DIP2C: variants seen among roughly 807,000 people sequenced by gnomAD.
The protein encoded by DIP2C is disco-interacting protein 2 homolog C.
Under a neutral mutation model 192.4 loss-of-function variants are expected in DIP2C, and 33 were observed. The ratio of observed to expected loss-of-function variants is 0.17; its 90% CI spans 0.13 to 0.23. The LOEUF (loss-of-function observed/expected upper bound fraction) is 0.23, where lower values mean the gene tolerates loss of function less well. Among genes scored for constraint, DIP2C ranks in the 10% least tolerant of loss-of-function variants. The pLI is 1.00. For synonymous variants in DIP2C, 979 were observed against 864.1 expected (o/e 1.13, Z -2.33); for missense variants, 1,537 against 2,110.1 (o/e 0.73, Z 5.32).
intron 10 of DIP2C, among the ~76,000 whole-genome samples, chr10:392,816 GCACA>G (rs141409070): frequency 1.0e-3 from 152 of 148,342 alleles, no homozygotes; most frequent in Middle Eastern, 3.5e-3. Context: ...CACACTCAGC[GCACA>G]CACACACACA....
intron 3 of DIP2C, among the ~76,000 whole-genome samples, chr10:460,904 C>T (rs1969720623): frequency 6.6e-6 from 1 of 152,128 alleles, no homozygotes; most frequent in African/African-American, 2.4e-5. Flanking sequence ...CAATATTCAA[C>T]ATTCTTAAAG....
intron 1 of DIP2C, among the ~76,000 whole-genome samples, chr10:619,228 A>T (rs1351812272): frequency 6.6e-6 from 1 of 152,226 alleles, no homozygotes; most frequent in East Asian, 1.9e-4. Context: ...TTCGTGGGCT[A>T]GTTTTACTAC....
At chr10:446,392 AAG>A (rs1193003220) in intron 3 of DIP2C, among the ~76,000 whole-genome samples, 2 of 151,790 alleles carry the variant, frequency 1.3e-5, no homozygotes, top group Admixed American at 6.6e-5. Context: ...CTCTGTTGTG[AAG>A]AGTCCCATGG....
chr10:632,087 C>T (rs1411375687), intron 1 of DIP2C, among the ~76,000 whole-genome samples: 2 of 152,142 alleles, frequency 1.3e-5, no homozygotes, highest in African/African-American at 2.4e-5. Flanking sequence ...GAAAGAAAAG[C>T]GAAATTCATA....
chr10:278,254 G>A (rs1194225190), intron 36 of DIP2C, among the ~76,000 whole-genome samples: 1 of 152,248 alleles, frequency 6.6e-6, no homozygotes, highest in African/African-American at 2.4e-5. Context: ...AGGGCCGTGC[G>A]TGCGGAGGCC....
At chr10:657,095 C>A (rs1166683847) in intron 1 of DIP2C, among the ~76,000 whole-genome samples, 8 of 151,790 alleles carry the variant, frequency 5.3e-5, no homozygotes, top group African/African-American at 1.7e-4. Flanking sequence ...CTGGACTTGA[C>A]ACTGGACCTG....
chr10:338,624 A>G (rs1957988041), intron 29 of DIP2C, among the ~76,000 whole-genome samples: 1 of 152,184 alleles, frequency 6.6e-6, no homozygotes, highest in Non-Finnish European at 1.5e-5. Flanking sequence ...CCATGTTTAC[A>G]TAATGAAATC....
chr10:299,610 A>G (rs1254063620), intron 32 of DIP2C, among the ~76,000 whole-genome samples: 1 of 152,256 alleles, frequency 6.6e-6, no homozygotes, highest in Non-Finnish European at 1.5e-5. Context: ...CACCAAAAGT[A>G]TATGCAGAAA....
intron 19 of DIP2C, chr10:364,896 C>CA (rs1960003961): frequency 6.9e-6 from 4 of 578,430 alleles, no homozygotes; most frequent in Admixed American, 4.4e-5. Flanking sequence ...TAACTGATTA[C>CA]TTGGTTTACA....
intron 32 of DIP2C, among the ~76,000 whole-genome samples, chr10:306,927 C>A (rs1168320134): frequency 1.3e-5 from 2 of 152,188 alleles, no homozygotes; most frequent in Non-Finnish European, 2.9e-5. Flanking sequence ...GGAGGTGGGG[C>A]CTAATGGAGA....
At chr10:522,896 C>T (rs1204958848) in intron 1 of DIP2C, among the ~76,000 whole-genome samples, 5 of 152,016 alleles carry the variant, frequency 3.3e-5, no homozygotes, top group Non-Finnish European at 7.4e-5. Context: ...ATGACCAACA[C>T]GCTCGTTTCT....
intron 10 of DIP2C, among the ~76,000 whole-genome samples, chr10:393,546 G>C (rs1010747098): frequency 6.6e-6 from 1 of 152,094 alleles, no homozygotes; most frequent in East Asian, 1.9e-4. Flanking sequence ...GGGTGGCCAC[G>C]GCAGGCAGAT....
intron 13 of DIP2C, among the ~76,000 whole-genome samples, chr10:388,489 G>A (rs993528773): frequency 4.6e-5 from 7 of 152,206 alleles, no homozygotes; most frequent in Non-Finnish European, 8.8e-5. Context: ...AAGTGTGGAG[G>A]ATAATAGACA....
At chr10:577,808 CTTT>C (rs1324235709) in intron 1 of DIP2C, among the ~76,000 whole-genome samples, 59 of 148,576 alleles carry the variant, frequency 4.0e-4, no homozygotes, top group African/African-American at 1.4e-3. Context: ...TGTTTTGTTT[CTTT>C]TGTTTTTTTG....
intron 11 of DIP2C, 75 bp downstream of exon 11, chr10:390,665 G>A (rs1050027246): frequency 3.0e-5 from 46 of 1,556,000 alleles, no homozygotes; most frequent in South Asian, 1.2e-4. Context: ...AAACCGAGGC[G>A]GGGTGACGTA....
At chr10:397,057 T>C (rs547370032) in intron 10 of DIP2C, among the ~76,000 whole-genome samples, 5 of 152,200 alleles carry the variant, frequency 3.3e-5, no homozygotes, top group Non-Finnish European at 5.9e-5. Context: ...AATGCAACCA[T>C]GTAACTGGCA....
intron 32 of DIP2C, among the ~76,000 whole-genome samples, chr10:308,833 C>A (rs528510791): frequency 4.6e-5 from 7 of 152,210 alleles, no homozygotes; most frequent in African/African-American, 1.7e-4. Context: ...CGAGTGTGAA[C>A]CGTCAGGGCG....
intron 32 of DIP2C, among the ~76,000 whole-genome samples, chr10:289,889 C>T (rs1355340192): frequency 7.2e-5 from 11 of 152,240 alleles, no homozygotes; most frequent in Non-Finnish European, 1.6e-4. Context: ...TGCACTGCTC[C>T]TGCCAGACCT....
chr10:505,918 A>G (rs1179013872), intron 1 of DIP2C, among the ~76,000 whole-genome samples: 1 of 151,924 alleles, frequency 6.6e-6, no homozygotes, highest in African/African-American at 2.4e-5. Flanking sequence ...TGCTGTAAAA[A>G]CTCCCTTTCA....
Sources: gnomAD v4.1 joint callset for allele counts (sites outside exome capture counted in the v4.1 genomes callset) on GRCh38, gnomAD v4.1.1 for gene constraint, MANE v1.5 for transcripts, NCBI Gene and HGNC (gene_info 2026-07-23, HGNC 2026-07-21) for gene names.